The following SAMD5 variants were observed in gnomAD, a reference collection of about 807,000 sequenced individuals.
SAMD5 encodes the protein sterile alpha motif domain containing 5.
Under a neutral mutation model 11.3 loss-of-function variants are expected in SAMD5, and 13 were observed. The observed-to-expected ratio is 1.15, with a 90% CI of 0.75 to 1.83. The LOEUF is 1.83. Ranked by LOEUF, SAMD5 falls within the 40% of genes most tolerant of loss-of-function variation. SAMD5 has a pLI of 0.00. For synonymous variants in SAMD5, 129 were observed against 111.3 expected (o/e 1.16, Z -1.00); for missense variants, 255 against 239.1 (o/e 1.07, Z -0.44).
chr6:147,747,174 A>G, the SAMD5 span, among the ~76,000 whole-genome samples: 1 of 152,232 alleles, frequency 6.6e-6, no homozygotes, highest in Non-Finnish European at 1.5e-5. Flanking sequence ...ACATGTGAGC[A>G]CTGTCTCACA....
intron 1 of SAMD5, among the ~76,000 whole-genome samples, chr6:147,710,135 T>A (rs987749136): frequency 1.8e-4 from 27 of 152,212 alleles, no homozygotes; most frequent in African/African-American, 5.8e-4. Flanking sequence ...ATGTTCCTGT[T>A]GTGAACAAGC....
At chr6:147,943,625 T>C in the SAMD5 span, among the ~76,000 whole-genome samples, 1 of 152,060 alleles carries the variant, frequency 6.6e-6, no homozygotes, top group African/African-American at 2.4e-5. Flanking sequence ...ACTTCAATAG[T>C]TTGGGATCCT....
At chr6:147,510,164 G>T (rs1788066655) in intron 1 of SAMD5, among the ~76,000 whole-genome samples, 1 of 152,214 alleles carries the variant, frequency 6.6e-6, no homozygotes, top group African/African-American at 2.4e-5. Context: ...GCATTTGGGA[G>T]AGGAGGACCG....
At chr6:147,579,298 G>C (rs546930846) in intron 1 of SAMD5, among the ~76,000 whole-genome samples, 1 of 152,266 alleles carries the variant, frequency 6.6e-6, no homozygotes, top group East Asian at 1.9e-4. Flanking sequence ...GAGATGAACA[G>C]TCTTAAAAGA....
At chr6:147,525,305 CAGGG>C (rs1257089368) in intron 1 of SAMD5, among the ~76,000 whole-genome samples, 1 of 144,008 alleles carries the variant, frequency 6.9e-6, no homozygotes, top group Admixed American at 7.2e-5. Context: ...TCTAGTATGG[CAGGG>C]AGGAAGATTT....
At chr6:147,513,690 CA>C (rs1562309863) in intron 1 of SAMD5, among the ~76,000 whole-genome samples, 1 of 151,960 alleles carries the variant, frequency 6.6e-6, no homozygotes, top group Non-Finnish European at 1.5e-5. Flanking sequence ...CTTGTCAAAG[CA>C]AAAGGTAAGC....
the SAMD5 span, among the ~76,000 whole-genome samples, chr6:147,767,968 A>G: frequency 2.6e-5 from 4 of 152,212 alleles, no homozygotes; most frequent in Non-Finnish European, 5.9e-5. Context: ...TGGCAGAGGA[A>G]GGTGGGCATA....
chr6:147,838,892 T>A, the SAMD5 span, among the ~76,000 whole-genome samples: 3 of 152,164 alleles, frequency 2.0e-5, no homozygotes, highest in Non-Finnish European at 4.4e-5. Flanking sequence ...ACAGGAGGCC[T>A]GAAGCATGTG....
rs767034988 is a variant in SAMD5, at chr6:147,509,378, C to T, written c.450C>T (p.Tyr150=). The T allele has an allele frequency of 5.8e-6, 9 of 1,549,540 alleles. No homozygotes were observed. Among genetic ancestry groups the T allele is most frequent in the South Asian group, 1.2e-5 (1 of 82,864 alleles). Residue 150 remains tyrosine, a synonymous_variant, in exon 1 of 2, where the codon TAC becomes TAT. Transcript: ENST00000367474. ...GCATCCACCTGAGCAAGCCCCCGTA[C>T]TCCCGCAAGGTAAGGAGGTGCCGTC... ...RDGIHLSKPP[Y]SRKVPMAGIL...
At chr6:147,664,871 G>A (rs533917597) in intron 1 of SAMD5, among the ~76,000 whole-genome samples, 7 of 152,162 alleles carry the variant, frequency 4.6e-5, no homozygotes, top group African/African-American at 1.7e-4. Flanking sequence ...ATTATATTGT[G>A]TTGCTTTTTG....
At position 147,566,040 on chromosome 6, in the gene SAMD5, A is replaced by C. The variant is rs1013035218; in HGVS notation, c.*1584A>C. 8.1e-6 allele frequency: 8 copies of C among 985,132 alleles called. No individual in the cohort carries two copies. The African/African-American group carries it at 1.4e-4, about 17-fold the overall frequency. 61.0% of individuals were successfully genotyped at this position (985,132 alleles called of 1,614,324 possible). Reference sequence around the variant, plus strand: ...TTTTTCCTGGTCCATTTTGGTTCCTAAGAATAGATAGGCCATTAAGAAGGA... The same window carrying C: ...TTTTTCCTGGTCCATTTTGGTTCCTCAGAATAGATAGGCCATTAAGAAGGA... On this transcript the variant is annotated 3_prime_UTR_variant, in exon 2 of 2. Coordinates refer to ENST00000367474, the MANE Select transcript of SAMD5 (RefSeq NM_001030060.3).
At chr6:147,719,448 A>C (rs1791516164) in intron 1 of SAMD5, among the ~76,000 whole-genome samples, 1 of 152,192 alleles carries the variant, frequency 6.6e-6, no homozygotes, top group South Asian at 2.1e-4. Flanking sequence ...CGCAGCAGAC[A>C]TTCTAGCCTC....
At chr6:147,595,657 G>A (rs1187310035) in intron 1 of SAMD5, among the ~76,000 whole-genome samples, 1 of 150,792 alleles carries the variant, frequency 6.6e-6, no homozygotes, top group Non-Finnish European at 1.5e-5. Context: ...CTCCTGAGTA[G>A]CTGGGACTAC....
chr6:147,740,154 T>C (rs1244634704), downstream of SAMD5, among the ~76,000 whole-genome samples: 1 of 152,204 alleles, frequency 6.6e-6, no homozygotes, highest in African/African-American at 2.4e-5. Flanking sequence ...TTATCCATTA[T>C]TACATTAAAG....
At chr6:147,552,704 C>T (rs1300841056) in intron 1 of SAMD5, among the ~76,000 whole-genome samples, 1 of 152,190 alleles carries the variant, frequency 6.6e-6, no homozygotes, top group Admixed American at 6.5e-5. Context: ...TGTGCACATG[C>T]ATACATATGC....
chr6:147,525,081 ACTGT>A (rs1302912787), intron 1 of SAMD5, among the ~76,000 whole-genome samples: 2 of 151,860 alleles, frequency 1.3e-5, no homozygotes, highest in Non-Finnish European at 2.9e-5. Flanking sequence ...AGATTTGGCA[ACTGT>A]CTGTTTCTCT....
intron 1 of SAMD5, among the ~76,000 whole-genome samples, chr6:147,640,497 C>CAAAAAAAAAAAAAAAAAAAAAAA (rs1172694444): frequency 8.3e-5 from 2 of 24,190 alleles, no homozygotes; most frequent in Non-Finnish European, 1.7e-4. Context: ...GACTCTGTCG[C>CAAAAAAAAAAAAAAAAAAAAAAA]AAAAAAAAAA....
intron 1 of SAMD5, among the ~76,000 whole-genome samples, chr6:147,726,038 A>C (rs1583155193): frequency 6.6e-6 from 1 of 152,300 alleles, no homozygotes; most frequent in East Asian, 1.9e-4. Flanking sequence ...TAACGAAATT[A>C]CTTCTTTTCC....
chr6:147,849,499 G>A, the SAMD5 span, among the ~76,000 whole-genome samples: 2 of 151,928 alleles, frequency 1.3e-5, no homozygotes, highest in Non-Finnish European at 2.9e-5. Context: ...TAAGAGTAAC[G>A]CTCAAGGTCA....
Sources: allele counts gnomAD v4.1 joint callset (sites outside exome capture counted in the v4.1 genomes callset), GRCh38; gene constraint gnomAD v4.1.1; transcripts MANE v1.5; gene names NCBI Gene and HGNC (gene_info 2026-07-23, HGNC 2026-07-21).